CCDC22: variants seen among roughly 807,000 people sequenced by gnomAD.
CCDC22 encodes CCC complex scaffolding subunit CCDC22.
Under a neutral mutation model 53.1 loss-of-function variants are expected in CCDC22, and 4 were observed. The ratio of observed to expected loss-of-function variants is 0.08; its 90% CI spans 0.04 to 0.17. The LOEUF (loss-of-function observed/expected upper bound fraction) is 0.17, where lower values mean the gene tolerates loss of function less well. Among genes scored for constraint, CCDC22 ranks in the 10% least tolerant of loss-of-function variants. The pLI, the probability that CCDC22 is intolerant of heterozygous loss-of-function variation, is 1.00. For missense variants in CCDC22, 458 were observed against 554.0 expected (o/e 0.83, Z 1.74); for synonymous variants, 222 against 224.4 (o/e 0.99, Z 0.10).
chrX:49,243,208 G>A (rs781852596), intron 5 of CCDC22, 24 bp downstream of exon 5: 1 of 1,206,690 alleles, frequency 8.3e-7, no homozygotes, highest in Non-Finnish European at 1.1e-6. Context: ...TGTGGGGAGG[G>A]GTGAGGAGGA....
Position 49,246,908 on chromosome X carries a change from A to G in CCDC22, c.892A>G (p.Lys298Glu), listed in dbSNP as rs1557114299. Residue 298 changes from lysine (K) to glutamate (E), a missense_variant, in exon 7 of 17, where the codon AAG (lysine) becomes GAG (glutamate). Lys to Glu is a moderately conservative substitution (Grantham distance 56). Around this residue, in one of 4 missense-constraint regions of CCDC22, gnomAD observed 309 missense variants for 312.3 expected, o/e 0.99. Coordinates refer to ENST00000376227, the MANE Select transcript of CCDC22 (RefSeq NM_014008.5). ...PKGSRFTHSE[K>E]FTFHLEPQAQ... ...GGGCTCCCGCTTCACGCACTCAGAG[A>G]AGTTCACCTTCCATCTGGTGGGTGC... The G allele has an allele frequency of 8.4e-7, 1 of 1,195,383 alleles. No individual in the cohort carries two copies. Among genetic ancestry groups the G allele is most frequent in the South Asian group, 1.8e-5 (1 of 54,664 alleles).
intron 2 of CCDC22, among the ~76,000 whole-genome samples, chrX:49,237,685 T>C (rs1323580730): frequency 9.1e-6 from 1 of 110,306 alleles, no homozygotes; most frequent in African/African-American, 3.3e-5. Context: ...CAGAAAATAC[T>C]CTGTCTGGGT....
intron 6 of CCDC22, among the ~76,000 whole-genome samples, chrX:49,245,827 C>T (rs1440853302): frequency 1.8e-5 from 2 of 112,363 alleles, no homozygotes; most frequent in Non-Finnish European, 3.8e-5. Context: ...TCTCAGACAT[C>T]ATGTCATTTC....
At chrX:49,240,737 C>T (rs2065960022) in intron 2 of CCDC22, among the ~76,000 whole-genome samples, 1 of 111,564 alleles carries the variant, frequency 9.0e-6, no homozygotes, top group Non-Finnish European at 1.9e-5. Context: ...ACAGTTTCTG[C>T]ACCTTAGCCA....
chrX:49,237,027 G>T, intron 1 of CCDC22, 59 bp from the exon 2 acceptor site: 1 of 1,110,679 alleles, frequency 9.0e-7, no homozygotes, highest in Non-Finnish European at 1.2e-6. Flanking sequence ...AGGCTGCAGG[G>T]CTCAGCCTGA....
At chrX:49,239,400 A>C in intron 2 of CCDC22, 1 of 711,422 alleles carries the variant, frequency 1.4e-6, no homozygotes, top group Non-Finnish European at 1.7e-6. Flanking sequence ...GGTTATAATA[A>C]GCTTTGCATA....
At chrX:49,236,647 T>A (rs1345344064) in intron 1 of CCDC22, among the ~76,000 whole-genome samples, 1 of 111,170 alleles carries the variant, frequency 9.0e-6, no homozygotes, top group Non-Finnish European at 1.9e-5. Flanking sequence ...AACTAGGTGG[T>A]CTTGATATTC....
Position 49,248,715 on chromosome X carries a change from A to G in CCDC22, c.1412A>G (p.Glu471Gly), listed in dbSNP as rs782541432. 28 of 1,210,068 alleles carry G rather than the reference A, an allele frequency of 2.3e-5. No homozygotes were observed. The South Asian group carries it at 4.8e-4, about 21-fold the overall frequency. ...GCTGCTGAAGAGGCCCGCAGGAAGG[A>G]GGAGGTCTATAAGCAGCTGGTAAGG... ...RAAAEEARRK[E>G]EVYKQLMSEL... is the part of the protein sequence containing the mutation. The change falls in exon 12 of 17, where the codon GAG becomes GGG. Residue 471 changes from glutamate (E) to glycine (G), a missense_variant. Physicochemically the swap from Glu to Gly is moderately conservative, Grantham distance 98. Around this residue, in one of 4 missense-constraint regions of CCDC22, gnomAD observed 309 missense variants for 312.3 expected, o/e 0.99. Coordinates refer to ENST00000376227, the MANE Select transcript of CCDC22 (RefSeq NM_014008.5).
At chrX:49,235,865 G>GCACA (rs1310992576) in intron 1 of CCDC22, among the ~76,000 whole-genome samples, 179 bp downstream of exon 1, 1 of 41,795 alleles carries the variant, frequency 2.4e-5, no homozygotes, top group African/African-American at 7.7e-5. Flanking sequence ...ACACACACAC[G>GCACA]CACACACACA....
intron 2 of CCDC22, among the ~76,000 whole-genome samples, chrX:49,240,486 G>A (rs1306891916): frequency 2.7e-5 from 3 of 111,192 alleles, no homozygotes; most frequent in Admixed American, 9.6e-5. Flanking sequence ...CCCAGGAGGC[G>A]GAGGTTCCAG....
chrX:49,247,465 C>T (rs1557114396), intron 7 of CCDC22, 31 bp from the exon 8 acceptor site: 1 of 1,167,460 alleles, frequency 8.6e-7, no homozygotes, highest in South Asian at 1.9e-5. Flanking sequence ...CCTTCCCTGG[C>T]AGCCAGGATG....
rs982667170 is a variant in CCDC22 at position 49,250,510 on chromosome X, G to A, written c.*249G>A. 13 of 470,662 alleles carry A rather than the reference G, an allele frequency of 2.8e-5. No individual in the cohort carries two copies. Among genetic ancestry groups the A allele is most frequent in the Non-Finnish European group, 4.2e-5 (11 of 259,646 alleles). The allele number at this position is 470,662 out of a possible 1,213,427, so 38.8% of individuals were successfully genotyped here. A position where few individuals can be genotyped will look rare whatever the true frequency, so the allele number is the denominator to read the frequency against. On this transcript the variant is annotated 3_prime_UTR_variant, in exon 17 of 17. Coordinates refer to ENST00000376227, the MANE Select transcript of CCDC22 (RefSeq NM_014008.5). The stretch of plus-strand genomic sequence containing the variant: ...GCCTTGGATCCCAAATAAATGAGTA[G>A]TTCCTCTGCAGTCTAAGCTGAGGCA...
chrX:49,236,361 C>T (rs1395348706), intron 1 of CCDC22, among the ~76,000 whole-genome samples: 1 of 109,665 alleles, frequency 9.1e-6, no homozygotes, highest in Non-Finnish European at 1.9e-5. Context: ...CCGTGCGCCA[C>T]CTTGCCCGGC....
rs1425120678 is a variant in CCDC22 at position 49,242,433 on chromosome X, G to A, written c.361+285G>A. The stretch of plus-strand genomic sequence containing the variant: ...CTCTCTCACTTCGCTCTAACCACTT[G>A]GGCCTCCTGGGTGCTACTCAAACAT... On this transcript the variant is annotated intron_variant, in intron 3 of 16. Coordinates refer to ENST00000376227, the MANE Select transcript of CCDC22 (RefSeq NM_014008.5). 4 of 455,671 alleles carry A rather than the reference G, an allele frequency of 8.8e-6. No homozygotes were observed. The East Asian group carries it at 5.7e-4, about 65-fold the overall frequency. The allele number at this position is 455,671 out of a possible 1,213,427, so 37.6% of individuals were successfully genotyped here. A position where few individuals can be genotyped will look rare whatever the true frequency, so the allele number is the denominator to read the frequency against.
At chrX:49,244,947 CCT>C (rs1356430365) in intron 6 of CCDC22, among the ~76,000 whole-genome samples, 1 of 110,244 alleles carries the variant, frequency 9.1e-6, no homozygotes, top group Non-Finnish European at 1.9e-5. Context: ...TTATCTGTCC[CCT>C]CTTCCTCTGT....
At chrX:49,249,998 G>A in intron 16 of CCDC22, 150 bp from the exon 17 acceptor site, 1 of 473,660 alleles carries the variant, frequency 2.1e-6, no homozygotes. Context: ...GCTTTGGGTA[G>A]AGGGAACACC....
intron 2 of CCDC22, among the ~76,000 whole-genome samples, chrX:49,241,402 A>T (rs1178534269): frequency 9.4e-6 from 1 of 105,841 alleles, no homozygotes; most frequent in African/African-American, 3.5e-5. Flanking sequence ...TGGGAGGATC[A>T]CTTGAGCCCA....
rs1557114714 is a variant in CCDC22, at chrX:49,248,411, T to G, written c.1217T>G (p.Val406Gly). The G allele has an allele frequency of 8.3e-7, 1 of 1,209,971 alleles. No homozygotes were observed. The highest frequency in any genetic ancestry group is 2.2e-5 in the Admixed American group (1 of 46,066). Residue 406 changes from valine (V) to glycine (G), a missense_variant, in exon 11 of 17, where the codon GTG (valine) becomes GGG (glycine). Transcript: ENST00000376227. ...GTANLAKLQL[V>G]VENSAQRVIH... The stretch of plus-strand genomic sequence containing the variant: ...CATGTACCCATCCCCCACCAGCTTG[T>G]GGTGGAGAATAGTGCCCAGCGGGTC...
intron 6 of CCDC22, among the ~76,000 whole-genome samples, chrX:49,246,009 G>A (rs1020481068): frequency 2.8e-5 from 3 of 107,197 alleles, no homozygotes; most frequent in Non-Finnish European, 5.8e-5. Flanking sequence ...TTTTTGAGAC[G>A]GAGTCTCTCT....
Sources: gnomAD v4.1 joint callset for allele counts (sites outside exome capture counted in the v4.1 genomes callset) on GRCh38, gnomAD v4.1.1 for gene constraint, gnomAD v4.1.1 regional missense constraint, MANE v1.5 for transcripts, NCBI Gene and HGNC (gene_info 2026-07-23, HGNC 2026-07-21) for gene names.